CNNM2: variants seen among roughly 807,000 people sequenced by gnomAD.
The protein encoded by CNNM2 is metal transporter CNNM2.
CNNM2 carries 12 observed loss-of-function variants against 66.9 expected under a neutral mutation model. That is an observed-to-expected ratio of 0.18 (90% CI 0.11 to 0.29). The LOEUF (loss-of-function observed/expected upper bound fraction) is 0.29, where lower values mean the gene tolerates loss of function less well. CNNM2 is among the 10% of genes least tolerant of loss of function. CNNM2 has a pLI of 1.00. For missense variants in CNNM2, 705 were observed against 1,167.7 expected (o/e 0.60, Z 5.77); for synonymous variants, 557 against 501.8 (o/e 1.11, Z -1.47).
chr10:103,023,321 G>A (rs1015056319), intron 1 of CNNM2, among the ~76,000 whole-genome samples: 3 of 152,100 alleles, frequency 2.0e-5, no homozygotes, highest in Admixed American at 6.5e-5. Context: ...GGTGGCTGAC[G>A]GCAGGTGGAT....
rs117473424 is a variant in CNNM2, at chr10:103,017,538, A to G, written c.1622-32169A>G. On this transcript the variant is annotated intron_variant, in intron 1 of 7. Transcript: ENST00000369878. ...AGGCCTTGTGAGGAGGTGACATTTG[A>G]GAAGAGACCTGAATGAAGTGGGGGA... Among the ~76,000 whole-genome samples, 619 of 152,294 alleles carry G rather than the reference A, an allele frequency of 4.1e-3. 20 individuals carry two copies. The East Asian group carries it at 0.073, about 18-fold the overall frequency.
Position 102,921,897 on chromosome 10 carries a change from C to T in CNNM2, c.1621+1796C>T, listed in dbSNP as rs547179992. Among the ~76,000 whole-genome samples, 149 of 152,256 alleles carry T rather than the reference C, an allele frequency of 9.8e-4. No homozygotes were observed. The highest frequency in any genetic ancestry group is 3.1e-3 in the African/African-American group (129 of 41,530). On this transcript the variant is annotated intron_variant, in intron 1 of 7. Transcript: ENST00000369878. Reference sequence around the variant, plus strand: ...CTTGAGAATTTAGTTTTTCACCTCACAGCTCCTTAATGCCGCCCTTACTCA... The same window carrying T: ...CTTGAGAATTTAGTTTTTCACCTCATAGCTCCTTAATGCCGCCCTTACTCA...
At chr10:103,053,507 G>T (rs754638286) in intron 2 of CNNM2, among the ~76,000 whole-genome samples, 1 of 152,160 alleles carries the variant, frequency 6.6e-6, no homozygotes, top group Non-Finnish European at 1.5e-5. Context: ...TAGAGCAAGA[G>T]CCTGTCTTAA....
intron 1 of CNNM2, among the ~76,000 whole-genome samples, chr10:102,978,743 A>G (rs2063676233): frequency 6.6e-6 from 1 of 152,216 alleles, no homozygotes; most frequent in African/African-American, 2.4e-5. Flanking sequence ...AGAGCAAGAA[A>G]CGGAATGTGA....
At chr10:102,952,287 G>A (rs1564818406) in intron 1 of CNNM2, among the ~76,000 whole-genome samples, 1 of 152,012 alleles carries the variant, frequency 6.6e-6, no homozygotes, top group Non-Finnish European at 1.5e-5. Flanking sequence ...GATGGGGGCC[G>A]GGCGCAGTGG....
At chr10:102,963,858 C>T (rs1590318739) in intron 1 of CNNM2, among the ~76,000 whole-genome samples, 1 of 152,132 alleles carries the variant, frequency 6.6e-6, no homozygotes, top group African/African-American at 2.4e-5. Flanking sequence ...AAGGGACAGG[C>T]ACAATGTATG....
chr10:102,990,753 C>G (rs2063884558), intron 1 of CNNM2, among the ~76,000 whole-genome samples: 1 of 152,156 alleles, frequency 6.6e-6, no homozygotes, highest in Non-Finnish European at 1.5e-5. Flanking sequence ...TCCACTCTTG[C>G]ATTTTGTTCT....
intron 4 of CNNM2, among the ~76,000 whole-genome samples, chr10:103,065,320 A>T (rs961087661): frequency 2.0e-5 from 3 of 152,146 alleles, no homozygotes; most frequent in Non-Finnish European, 4.4e-5. Flanking sequence ...TGATGCCCAG[A>T]TTCACCTATA....
Position 102,968,331 on chromosome 10 carries a change from C to T in CNNM2, c.1621+48230C>T, listed in dbSNP as rs945144677. ...GCGCAATCTCGGCTGACTGTAACCT[C>T]TGCCTCCTGGGTTCAAGTGATTCTC... On this transcript the variant is annotated intron_variant, in intron 1 of 7. Transcript: ENST00000369878. Among the ~76,000 whole-genome samples the T allele has an allele frequency of 5.3e-5, 8 of 152,308 alleles. No homozygotes were observed. The East Asian group carries it at 1.5e-3, about 29-fold the overall frequency.
intron 1 of CNNM2, among the ~76,000 whole-genome samples, chr10:102,974,892 G>C (rs2063601730): frequency 6.6e-6 from 1 of 152,152 alleles, no homozygotes; most frequent in Non-Finnish European, 1.5e-5. Flanking sequence ...GGTCAATTCT[G>C]GGGCACACAT....
Position 103,067,187 on chromosome 10 carries a change from T to TC in CNNM2, c.2074-1441dup, listed in dbSNP as rs1197681722. Among the ~76,000 whole-genome samples the TC allele has an allele frequency of 2.0e-5, 3 of 151,830 alleles. 1 individual carries two copies. Among genetic ancestry groups the TC allele is most frequent in the Non-Finnish European group, 4.4e-5 (3 of 67,920 alleles). On this transcript the variant is annotated intron_variant, in intron 4 of 7. Transcript: ENST00000369878. ...GATCATGGCTCACTGCCTCACAGGTTCAAGTAATCCTCCCAAGTAGCTGAG... is the reference window on the plus strand; with the variant it reads ...GATCATGGCTCACTGCCTCACAGGTTCCAAGTAATCCTCCCAAGTAGCTGAG...
At chr10:103,052,428 C>A (rs1047528542) in intron 2 of CNNM2, among the ~76,000 whole-genome samples, 1 of 151,990 alleles carries the variant, frequency 6.6e-6, no homozygotes, top group African/African-American at 2.4e-5. Flanking sequence ...AGTTTAACTT[C>A]TCTTAAGCCT....
chr10:103,047,713 G>A (rs1019448057), intron 1 of CNNM2, among the ~76,000 whole-genome samples: 1 of 152,026 alleles, frequency 6.6e-6, no homozygotes, highest in African/African-American at 2.4e-5. Flanking sequence ...TTGTGTACTC[G>A]TGCATGATTT....
chr10:102,986,748 C>T (rs889287035), intron 1 of CNNM2, among the ~76,000 whole-genome samples: 1 of 148,004 alleles, frequency 6.8e-6, no homozygotes, highest in Non-Finnish European at 1.5e-5. Context: ...CCACTGCACT[C>T]CAGCCGGGGT....
intron 1 of CNNM2, among the ~76,000 whole-genome samples, chr10:102,926,668 C>T (rs1004442478): frequency 6.6e-6 from 1 of 151,784 alleles, no homozygotes; most frequent in African/African-American, 2.4e-5. Context: ...ATCTCAGCCT[C>T]CAGAGTACCT....
chr10:103,006,993 G>A (rs1164858334), intron 1 of CNNM2, among the ~76,000 whole-genome samples: 1 of 152,084 alleles, frequency 6.6e-6, no homozygotes, highest in Non-Finnish European at 1.5e-5. Flanking sequence ...TTCTATCAGG[G>A]GAACCCACCC....
intron 5 of CNNM2, among the ~76,000 whole-genome samples, chr10:103,069,971 C>G (rs886854791): frequency 1.3e-5 from 2 of 152,220 alleles, no homozygotes; most frequent in Admixed American, 6.5e-5. Flanking sequence ...ACTGCTCCAC[C>G]CAGTAGTCTG....
At chr10:103,016,830 T>TA (rs1193247159) in intron 1 of CNNM2, among the ~76,000 whole-genome samples, 2 of 152,146 alleles carry the variant, frequency 1.3e-5, no homozygotes, top group Non-Finnish European at 2.9e-5. Context: ...TCCTGGGTGT[T>TA]ACTCCTCAGA....
intron 1 of CNNM2, among the ~76,000 whole-genome samples, chr10:103,025,528 G>T (rs2064685073): frequency 6.6e-6 from 1 of 152,150 alleles, no homozygotes; most frequent in Admixed American, 6.5e-5. Context: ...AATGTTCTTT[G>T]CCTGAATCAA....
Sources: allele counts gnomAD v4.1 joint callset (sites outside exome capture counted in the v4.1 genomes callset), GRCh38; gene constraint gnomAD v4.1.1; transcripts MANE v1.5; gene names NCBI Gene and HGNC (gene_info 2026-07-23, HGNC 2026-07-21).